The following WDFY3 variants were observed in gnomAD, a reference collection of about 807,000 sequenced individuals.
WDFY3 encodes WD repeat and FYVE domain containing 3.
WDFY3 carries 66 observed loss-of-function variants against 409.6 expected under a neutral mutation model. The ratio of observed to expected loss-of-function variants is 0.16; its 90% CI spans 0.13 to 0.20. The LOEUF (loss-of-function observed/expected upper bound fraction) is 0.20. Among genes scored for constraint, WDFY3 ranks in the 10% least tolerant of loss-of-function variants. WDFY3 has a pLI of 1.00. For missense variants in WDFY3, 3,031 were observed against 4,298.1 expected, an observed-to-expected ratio of 0.71 and a Z score of 8.24; for synonymous variants, 1,521 against 1,537.1, an observed-to-expected ratio of 0.99 and a Z score of 0.25.
intron 40 of WDFY3, 25 bp from the exon 41 acceptor site, chr4:84,737,391 CA>C (rs747805664): frequency 2.0e-6 from 3 of 1,521,000 alleles, no homozygotes; most frequent in South Asian, 2.6e-5. Context: ...AACAAACAAA[CA>C]AAAAAGTAAG....
intron 36 of WDFY3, among the ~76,000 whole-genome samples, chr4:84,746,970 T>C (rs982922910): frequency 2.6e-5 from 4 of 152,140 alleles, no homozygotes; most frequent in African/African-American, 9.7e-5. Context: ...TACTAAAATC[T>C]CCTTATGAAA....
Position 84,843,922 on chromosome 4 carries a change from G to A in WDFY3, c.305-2659C>T, listed in dbSNP as rs370774522. 1.8e-4 allele frequency among the ~76,000 whole-genome samples: 27 copies of A among 152,042 alleles called. No homozygotes were observed. The East Asian group carries it at 4.1e-3, about 23-fold the overall frequency. On this transcript the variant is annotated intron_variant, in intron 5 of 67. Transcript: ENST00000295888. ...ATATTTAACAAATTCAAATATAAACGATTTAACTTAAGTTTTTAAGAGTTA... is the reference window on the plus strand; with the variant it reads ...ATATTTAACAAATTCAAATATAAACAATTTAACTTAAGTTTTTAAGAGTTA...
At chr4:84,754,528 T>A (rs939789536) in intron 34 of WDFY3, among the ~76,000 whole-genome samples, 9 of 152,220 alleles carry the variant, frequency 5.9e-5, no homozygotes, top group African/African-American at 2.2e-4. Context: ...ATTAGATTTG[T>A]CAGGTACATG....
At chr4:84,855,578 A>G (rs1759646387) in intron 4 of WDFY3, among the ~76,000 whole-genome samples, 1 of 152,178 alleles carries the variant, frequency 6.6e-6, no homozygotes, top group Non-Finnish European at 1.5e-5. Flanking sequence ...TATATTAAAT[A>G]TGACTAATAA....
chr4:84,751,594 G>C lies in WDFY3; in HGVS notation c.5862C>G (p.Thr1954=). 1.2e-6 allele frequency: 2 copies of C among 1,614,124 alleles called. No individual in the cohort carries two copies. Among genetic ancestry groups the C allele is most frequent in the South Asian group, 1.1e-5 (1 of 91,086 alleles). ...AAACGAACTTTTTAGCCGGGTGATT[G>C]GTCAGATATGTCTTGGTGCCCACAT... is the stretch of plus-strand genomic sequence containing the variant. ...YCNVGTKTYL[T]NHPAKKFVFD... Residue 1954 remains threonine, a synonymous_variant, in exon 36 of 68, where the codon ACC becomes ACG. Coordinates refer to ENST00000295888, the MANE Select transcript of WDFY3 (RefSeq NM_014991.6).
intron 56 of WDFY3, among the ~76,000 whole-genome samples, chr4:84,700,267 C>G (rs2044161): frequency 0.26 from 39,372 of 151,966 alleles, 5,759 homozygotes; most frequent in East Asian, 0.43. Flanking sequence ...TGCAGTGGCA[C>G]GAACACGGCT....
In WDFY3 at chr4:84,688,568, C is replaced by G. The variant is rs566989657; in HGVS notation, c.9364-303G>C. Among the ~76,000 whole-genome samples the G allele has an allele frequency of 2.3e-3, 353 of 152,282 alleles. 1 individual carries two copies. Among genetic ancestry groups the G allele is most frequent in the African/African-American group, 7.9e-3 (330 of 41,554 alleles). ...AAGGAAGAGGGAATGACAACCACAA[C>G]CCAGCTTGGGTTTCTTTATACCATT... On this transcript the variant is annotated intron_variant, in intron 61 of 67. Coordinates refer to ENST00000295888, the MANE Select transcript of WDFY3 (RefSeq NM_014991.6).
intron 3 of WDFY3, among the ~76,000 whole-genome samples, chr4:84,892,468 A>T (rs1765088390): frequency 6.6e-6 from 1 of 152,118 alleles, no homozygotes; most frequent in Admixed American, 6.6e-5. Context: ...GTTAATATCA[A>T]ATATCCAATG....
intron 2 of WDFY3, among the ~76,000 whole-genome samples, chr4:84,908,655 T>G (rs1416157539): frequency 6.6e-6 from 1 of 152,216 alleles, no homozygotes; most frequent in Non-Finnish European, 1.5e-5. Flanking sequence ...ATTTCAACTT[T>G]TTTTATTGCT....
intron 62 of WDFY3, 147 bp downstream of exon 62, chr4:84,687,939 C>T (rs1317503565): frequency 2.4e-6 from 2 of 831,624 alleles, no homozygotes; most frequent in Non-Finnish European, 1.9e-6. Flanking sequence ...GCCTACAGCC[C>T]AGAAGTCCTG....
chr4:84,928,058 G>T (rs1401501641), intron 2 of WDFY3, among the ~76,000 whole-genome samples: 1 of 152,234 alleles, frequency 6.6e-6, no homozygotes, highest in East Asian at 1.9e-4. Context: ...AGTGGACTGA[G>T]TAAGGAAGAT....
At chr4:84,826,105 A>T (rs918278387) in intron 10 of WDFY3, among the ~76,000 whole-genome samples, 2 of 152,146 alleles carry the variant, frequency 1.3e-5, no homozygotes, top group African/African-American at 4.8e-5. Flanking sequence ...TGCTGTCCAT[A>T]GTCAGCCGCT....
At chr4:84,794,048 A>C (rs1748961234) in intron 21 of WDFY3, among the ~76,000 whole-genome samples, 1 of 152,222 alleles carries the variant, frequency 6.6e-6, no homozygotes, top group African/African-American at 2.4e-5. Context: ...CTGTAAAGTC[A>C]TGGCATGTTG....
chr4:84,770,180 C>T (rs1744417641), intron 30 of WDFY3, among the ~76,000 whole-genome samples: 1 of 151,964 alleles, frequency 6.6e-6, no homozygotes, highest in Non-Finnish European at 1.5e-5. Context: ...AGGCGCCCAC[C>T]ACCACGCCTG....
At position 84,801,762 on chromosome 4, in the gene WDFY3, G is replaced by A. The variant is rs148934296; in HGVS notation, c.2710C>T (p.Leu904=). ...VMCEAGLHAR[L]LQRCSAALAD... ...AATGCAGCACTGCACCTCTGCAGCA[G>A]TCGTGCATGAAGACCAGCTTCACAC... The change falls in exon 17 of 68, where the codon CTG becomes TTG. Residue 904 remains leucine, a synonymous_variant. Coordinates refer to ENST00000295888, the MANE Select transcript of WDFY3 (RefSeq NM_014991.6). The A allele has an allele frequency of 5.0e-4, 813 of 1,614,098 alleles. 4 individuals are homozygous for A. In the African/African-American group the frequency reaches 1.0e-2, roughly 20 times the overall value.
chr4:84,945,734 G>A (rs1315203698), intron 1 of WDFY3, among the ~76,000 whole-genome samples: 1 of 152,136 alleles, frequency 6.6e-6, no homozygotes, highest in Non-Finnish European at 1.5e-5. Flanking sequence ...ATGTGGGAAC[G>A]TGGTGATGGT....
At chr4:84,936,631 A>T (rs1431259818) in intron 1 of WDFY3, among the ~76,000 whole-genome samples, 1 of 152,144 alleles carries the variant, frequency 6.6e-6, no homozygotes, top group Admixed American at 6.6e-5. Flanking sequence ...AGCCAGTTAA[A>T]CTAAATAATA....
chr4:84,944,882 T>G (rs1022188897), intron 1 of WDFY3, among the ~76,000 whole-genome samples: 1 of 152,170 alleles, frequency 6.6e-6, no homozygotes, highest in African/African-American at 2.4e-5. Flanking sequence ...ATAGAATATA[T>G]TATTACTTCT....
chr4:84,944,160 GAATA>G (rs962650665), intron 1 of WDFY3, among the ~76,000 whole-genome samples: 11 of 152,234 alleles, frequency 7.2e-5, no homozygotes, highest in Middle Eastern at 3.4e-3. Flanking sequence ...TTCGCTGACT[GAATA>G]AATAGCTTTA....
Sources: allele counts gnomAD v4.1 joint callset (sites outside exome capture counted in the v4.1 genomes callset), GRCh38; gene constraint gnomAD v4.1.1; transcripts MANE v1.5; gene names NCBI Gene and HGNC (gene_info 2026-07-23, HGNC 2026-07-21).